Variants in TANK observed in about 807,000 individuals in gnomAD.
TANK encodes TRAF family member associated NFKB activator.
In TANK, 15 loss-of-function variants were observed where a neutral mutation model predicts 43.6. The observed-to-expected ratio is 0.34, with a 90% CI of 0.23 to 0.53. The LOEUF is 0.53. Ranked by LOEUF, TANK falls within the 20% of genes least tolerant of loss-of-function variation. The pLI is 0.94. For synonymous variants in TANK, 162 were observed against 178.2 expected (o/e 0.91, Z 0.73); for missense variants, 417 against 498.6 (o/e 0.84, Z 1.56).
intron 1 of TANK, among the ~76,000 whole-genome samples, chr2:161,174,645 C>G (rs1352039431): frequency 6.6e-6 from 1 of 152,192 alleles, no homozygotes; most frequent in Non-Finnish European, 1.5e-5. Context: ...ATTATCCAAA[C>G]TCTTTGTCTT....
intron 4 of TANK, among the ~76,000 whole-genome samples, chr2:161,215,596 A>G (rs1396743759): frequency 1.3e-5 from 2 of 152,138 alleles, no homozygotes; most frequent in Non-Finnish European, 1.5e-5. Flanking sequence ...TTAAAGGCGC[A>G]AGACTGTATC....
At chr2:161,189,275 C>G in intron 2 of TANK, among the ~76,000 whole-genome samples, 1 of 152,082 alleles carries the variant, frequency 6.6e-6, no homozygotes, top group Non-Finnish European at 1.5e-5. Flanking sequence ...ACCACGTTAA[C>G]AGGATTAAAA....
intron 2 of TANK, among the ~76,000 whole-genome samples, chr2:161,198,016 A>G (rs1686232703): frequency 6.6e-6 from 1 of 152,190 alleles, no homozygotes; most frequent in East Asian, 1.9e-4. Flanking sequence ...TCAACTTTAA[A>G]ATCTAAAGTT....
chr2:161,173,984 TGACTA>T (rs1685068699), intron 1 of TANK, among the ~76,000 whole-genome samples: 2 of 152,188 alleles, frequency 1.3e-5, no homozygotes, highest in South Asian at 4.1e-4. Context: ...CATTTGCCAA[TGACTA>T]GCACGTAGTC....
At chr2:161,143,934 A>G (rs569000632) in intron 1 of TANK, among the ~76,000 whole-genome samples, 1 of 152,122 alleles carries the variant, frequency 6.6e-6, no homozygotes, top group African/African-American at 2.4e-5. Context: ...CCATGAATCC[A>G]TCTGGTCCTG....
chr2:161,161,181 A>AGG, intron 1 of TANK: 2 of 1,475,872 alleles, frequency 1.4e-6, no homozygotes, highest in Non-Finnish European at 1.8e-6. Flanking sequence ...AGAAGTAGAA[A>AGG]GGGGGAGGAT....
chr2:161,157,985 G>C (rs571809355), upstream of TANK, among the ~76,000 whole-genome samples: 1 of 152,138 alleles, frequency 6.6e-6, no homozygotes, highest in African/African-American at 2.4e-5. Flanking sequence ...CACCCGTCCA[G>C]GTTCCAAAAT....
At chr2:161,194,541 G>A (rs1314931142) in intron 2 of TANK, among the ~76,000 whole-genome samples, 1 of 152,114 alleles carries the variant, frequency 6.6e-6, no homozygotes, top group Non-Finnish European at 1.5e-5. Flanking sequence ...TAAAATAAGA[G>A]TAAATTTGAC....
chr2:161,178,127 A>C (rs1179368403), intron 1 of TANK, among the ~76,000 whole-genome samples: 1 of 152,098 alleles, frequency 6.6e-6, no homozygotes, highest in Non-Finnish European at 1.5e-5. Flanking sequence ...TTAAAGATAG[A>C]ATTACCATAT....
chr2:161,137,987 G>A, intron 1 of TANK: 3 of 606,698 alleles, frequency 4.9e-6, no homozygotes, highest in Non-Finnish European at 6.2e-6. Context: ...TAATAATAAT[G>A]ATTAACTCAA....
At chr2:161,156,212 AG>A, upstream of TANK, 11 of 985,292 alleles carry the variant, frequency 1.1e-5, no homozygotes, top group Non-Finnish European at 1.3e-5. Flanking sequence ...TGTACTTTCC[AG>A]TCATATTTTG....
chr2:161,142,992 T>C (rs1326581486), intron 1 of TANK, among the ~76,000 whole-genome samples: 1 of 152,194 alleles, frequency 6.6e-6, no homozygotes, highest in Non-Finnish European at 1.5e-5. Flanking sequence ...GATCCTCTCT[T>C]ATTTCCTTGA....
intron 2 of TANK, chr2:161,180,146 A>G: frequency 1.0e-6 from 1 of 983,706 alleles, no homozygotes; most frequent in South Asian, 4.7e-5. Context: ...TTTGGCTGAC[A>G]GGAAAACTTT....
intron 4 of TANK, 162 bp from the exon 5 acceptor site, chr2:161,223,752 GA>G (rs1010972991): frequency 6.2e-5 from 25 of 401,066 alleles, no homozygotes; most frequent in African/African-American, 4.2e-4. Context: ...CTCATTTAAA[GA>G]AAAAAATCAA....
intron 4 of TANK, among the ~76,000 whole-genome samples, chr2:161,219,463 C>T (rs558374725): frequency 3.2e-4 from 49 of 152,226 alleles, no homozygotes; most frequent in African/African-American, 9.9e-4. Context: ...AGACAAGGCT[C>T]CTAGGATTTG....
At chr2:161,205,691 A>G (rs1293023322) in intron 4 of TANK, among the ~76,000 whole-genome samples, 1 of 152,236 alleles carries the variant, frequency 6.6e-6, no homozygotes, top group African/African-American at 2.4e-5. Context: ...TACTAAATAT[A>G]TATTAATTTG....
intron 1 of TANK, among the ~76,000 whole-genome samples, chr2:161,162,179 G>A (rs1415834919): frequency 6.6e-6 from 1 of 151,924 alleles, no homozygotes; most frequent in Admixed American, 6.6e-5. Flanking sequence ...CTCATCTGTT[G>A]CTTTGATCTT....
chr2:161,189,622 T>C (rs1685822227), intron 2 of TANK, among the ~76,000 whole-genome samples: 1 of 152,138 alleles, frequency 6.6e-6, no homozygotes, highest in African/African-American at 2.4e-5. Flanking sequence ...AACAACATGA[T>C]CTTAAGTATA....
At chr2:161,156,897 C>T (rs1684242205), upstream of TANK, among the ~76,000 whole-genome samples, 1 of 152,142 alleles carries the variant, frequency 6.6e-6, no homozygotes, top group Non-Finnish European at 1.5e-5. Context: ...AAAAAGTAAA[C>T]CCCCAGAGAA....
Sources: gnomAD v4.1 joint callset for allele counts (sites outside exome capture counted in the v4.1 genomes callset) on GRCh38, gnomAD v4.1.1 for gene constraint, MANE v1.5 for transcripts, NCBI Gene and HGNC (gene_info 2026-07-23, HGNC 2026-07-21) for gene names.